APPBP2: variants seen among roughly 807,000 people sequenced by gnomAD.
APPBP2 encodes the protein amyloid beta precursor protein binding protein 2, also known as amyloid protein-binding protein 2.
In APPBP2, 15 loss-of-function variants were observed where a neutral mutation model predicts 76.0. The observed-to-expected ratio is 0.20, with a 90% CI of 0.13 to 0.30. APPBP2 has a LOEUF of 0.30. Ranked by LOEUF, APPBP2 falls within the 10% of genes least tolerant of loss-of-function variation. The pLI is 1.00. For missense variants in APPBP2, 401 were observed against 687.2 expected (o/e 0.58, Z 4.66); for synonymous variants, 222 against 242.2 (o/e 0.92, Z 0.77).
chr17:60,505,676 G>T (rs867415494), intron 1 of APPBP2, among the ~76,000 whole-genome samples: 21 of 85,696 alleles, frequency 2.5e-4, no homozygotes, highest in African/African-American at 6.2e-4. Context: ...GACCCCTGCG[G>T]TTTTTTTTTT....
intron 4 of APPBP2, among the ~76,000 whole-genome samples, chr17:60,473,405 T>C (rs908600969): frequency 6.6e-6 from 1 of 152,226 alleles, no homozygotes; most frequent in Admixed American, 6.5e-5. Flanking sequence ...AGGCTATATG[T>C]CTATTAAAAA....
intron 10 of APPBP2, among the ~76,000 whole-genome samples, chr17:60,455,639 A>G (rs2090425647): frequency 6.6e-6 from 1 of 152,236 alleles, no homozygotes; most frequent in African/African-American, 2.4e-5. Context: ...CCTGCACTAC[A>G]AAGCTGAAGT....
chr17:60,504,174 A>G (rs1237845744), intron 1 of APPBP2, among the ~76,000 whole-genome samples: 1 of 152,202 alleles, frequency 6.6e-6, no homozygotes, highest in Admixed American at 6.5e-5. Flanking sequence ...TAGCATAATG[A>G]AGCTATTAAA....
At chr17:60,470,140 TTG>T (rs1469168742) in intron 4 of APPBP2, among the ~76,000 whole-genome samples, 4 of 152,232 alleles carry the variant, frequency 2.6e-5, no homozygotes, top group African/African-American at 9.6e-5. Flanking sequence ...CTCATTATGT[TTG>T]ATTTCCATTT....
At chr17:60,477,039 C>T (rs2090595801) in intron 4 of APPBP2, among the ~76,000 whole-genome samples, 1 of 152,046 alleles carries the variant, frequency 6.6e-6, no homozygotes, top group Non-Finnish European at 1.5e-5. Flanking sequence ...ACAAGTAATC[C>T]AAGAGACAGG....
intron 10 of APPBP2, among the ~76,000 whole-genome samples, chr17:60,454,892 A>T (rs2090421025): frequency 6.6e-6 from 1 of 152,210 alleles, no homozygotes; most frequent in South Asian, 2.1e-4. Flanking sequence ...ACTTTATAAA[A>T]CATAACCTTT....
At position 60,452,063 on chromosome 17, in the gene APPBP2, C is replaced by A; in HGVS notation, c.1339-18G>T. On this transcript the variant is annotated intron_variant, in intron 11 of 12. Transcript: ENST00000083182. Reference sequence around the variant, plus strand: ...TCAGCTTCCTGAAAAACAATTATGCCATATCAATCATTATACTTTTTCTCA... The same window carrying A: ...TCAGCTTCCTGAAAAACAATTATGCAATATCAATCATTATACTTTTTCTCA... 6.2e-7 allele frequency: 1 copy of A among 1,608,342 alleles called. No homozygotes were observed. Among genetic ancestry groups the A allele is most frequent in the South Asian group, 1.1e-5 (1 of 90,040 alleles).
At chr17:60,479,605 C>A (rs540626549) in intron 3 of APPBP2, among the ~76,000 whole-genome samples, 16 of 152,222 alleles carry the variant, frequency 1.1e-4, no homozygotes, top group African/African-American at 3.9e-4. Flanking sequence ...TTTAGCATCT[C>A]CCAATACACA....
intron 1 of APPBP2, among the ~76,000 whole-genome samples, chr17:60,513,997 TAA>T (rs35785295): frequency 0.083 from 8,952 of 108,462 alleles, 990 homozygotes; most frequent in African/African-American, 0.28. Context: ...TTCCCCACAT[TAA>T]AAAAAAAAAA....
chr17:60,458,691 C>T (rs979041051), intron 9 of APPBP2, among the ~76,000 whole-genome samples: 2 of 151,964 alleles, frequency 1.3e-5, no homozygotes, highest in Non-Finnish European at 1.5e-5. Context: ...TACTTATAGG[C>T]CTAGTTCGTC....
rs1598343348 is a variant in APPBP2, at chr17:60,447,398, A to G, written c.*183T>C. The G allele has an allele frequency of 1.7e-6, 1 of 584,896 alleles. No individual in the cohort carries two copies. Among genetic ancestry groups the G allele is most frequent in the East Asian group, 2.9e-5 (1 of 34,348 alleles). 36.2% of individuals were successfully genotyped at this position (584,896 alleles called of 1,614,324 possible). On this transcript the variant is annotated 3_prime_UTR_variant, in exon 13 of 13. Coordinates refer to ENST00000083182, the MANE Select transcript of APPBP2 (RefSeq NM_006380.5). ...ACACATGCGGTACATGCTGAATATA[A>G]CTGAATATATGCTTATTCCTACAGA... is the stretch of plus-strand genomic sequence containing the variant.
At chr17:60,508,753 G>A (rs1451626395) in intron 1 of APPBP2, among the ~76,000 whole-genome samples, 2 of 152,146 alleles carry the variant, frequency 1.3e-5, no homozygotes, top group Non-Finnish European at 2.9e-5. Flanking sequence ...CTACCTAGAT[G>A]ATTTACAGAC....
Position 60,447,605 on chromosome 17 carries a change from C to G in APPBP2, c.1734G>C (p.Gln578His), listed in dbSNP as rs2090359303. 4.3e-6 allele frequency: 7 copies of G among 1,613,264 alleles called. No homozygotes were observed. Among genetic ancestry groups the G allele is most frequent in the African/African-American group, 1.3e-5 (1 of 74,876 alleles). Reference protein sequence around the residue: ...EEVVQSFLISQNVEGPSC With the variant: ...EEVVQSFLISHNVEGPSC ...CTCAGCAGCTCGGTCCCTCGACATT[C>G]TGAGAAATCAGGAAGGACTGCACCA... Residue 578 changes from glutamine (Q) to histidine (H), a missense_variant, in exon 13 of 13, where the codon CAG becomes CAC. By Grantham distance (24) the Gln-to-His change is conservative (BLOSUM62 0). Around this residue, in one of 5 missense-constraint regions of APPBP2, gnomAD observed 56 missense variants for 76.5 expected, o/e 0.73. Coordinates refer to ENST00000083182, the MANE Select transcript of APPBP2 (RefSeq NM_006380.5).
At chr17:60,524,922 G>A (rs6503983) in intron 1 of APPBP2, among the ~76,000 whole-genome samples, 12,503 of 152,238 alleles carry the variant, frequency 0.082, 1,701 homozygotes, top group African/African-American at 0.28. Context: ...GGAGAGAAAA[G>A]GGCAGGCTCT....
chr17:60,452,938 A>AT (rs941427136), intron 11 of APPBP2, among the ~76,000 whole-genome samples: 11 of 152,146 alleles, frequency 7.2e-5, no homozygotes, highest in Admixed American at 3.3e-4. Context: ...CATATTAAAA[A>AT]ATATATATAT....
chr17:60,453,881 G>C (rs924277973), intron 11 of APPBP2, among the ~76,000 whole-genome samples: 3 of 151,720 alleles, frequency 2.0e-5, no homozygotes, highest in Non-Finnish European at 4.4e-5. Context: ...ACTATTGTTT[G>C]TTTGTTTTAG....
At chr17:60,517,033 T>C (rs896387548) in intron 1 of APPBP2, among the ~76,000 whole-genome samples, 5 of 152,124 alleles carry the variant, frequency 3.3e-5, no homozygotes, top group Non-Finnish European at 5.9e-5. Flanking sequence ...TGGAGTGCAA[T>C]GTCATGATCT....
chr17:60,522,861 CTT>C (rs71916315), intron 1 of APPBP2, among the ~76,000 whole-genome samples: 2 of 146,298 alleles, frequency 1.4e-5, no homozygotes, highest in African/African-American at 5.1e-5. Context: ...GTCTTCCATT[CTT>C]TTTTTTTTTT....
At position 60,466,479 on chromosome 17, in the gene APPBP2, T is replaced by C. The variant is rs961703185; in HGVS notation, c.504-20A>G. On this transcript the variant is annotated intron_variant, in intron 4 of 12. Coordinates refer to ENST00000083182, the MANE Select transcript of APPBP2 (RefSeq NM_006380.5). ...AGCAACCTATAAAACACCAATAACATTGCTCTATTTTTGATATTTTCAGCT... is the reference window on the plus strand; with the variant it reads ...AGCAACCTATAAAACACCAATAACACTGCTCTATTTTTGATATTTTCAGCT... 9 of 1,604,128 alleles carry C rather than the reference T, an allele frequency of 5.6e-6. No homozygotes were observed. Among genetic ancestry groups the C allele is most frequent in the East Asian group, 2.2e-5 (1 of 44,802 alleles).
Sources: gnomAD v4.1 joint callset for allele counts (sites outside exome capture counted in the v4.1 genomes callset) on GRCh38, gnomAD v4.1.1 for gene constraint, gnomAD v4.1.1 regional missense constraint, MANE v1.5 for transcripts, NCBI Gene and HGNC (gene_info 2026-07-23, HGNC 2026-07-21) for gene names.